The following PKIA variants were observed in gnomAD, a reference collection of about 807,000 sequenced individuals.
The protein encoded by PKIA is PKI-alpha.
Under a neutral mutation model 7.6 loss-of-function variants are expected in PKIA, and 4 were observed. The ratio of observed to expected loss-of-function variants is 0.52; its 90% CI spans 0.26 to 1.20. The LOEUF is 1.20. Among genes scored for constraint, PKIA ranks in the 50% most tolerant of loss-of-function variants. The pLI is 0.13. For missense variants in PKIA, 73 were observed against 86.2 expected (o/e 0.85, Z 0.61); for synonymous variants, 21 against 30.7 (o/e 0.68, Z 1.04).
At chr8:78,537,177 GTT>G (rs551095426) in intron 1 of PKIA, among the ~76,000 whole-genome samples, 1 of 140,010 alleles carries the variant, frequency 7.1e-6, no homozygotes, top group African/African-American at 2.6e-5. Flanking sequence ...GTTTAGTTTA[GTT>G]TTTTTTTTTT....
chr8:78,600,473 G>T (rs1490404328), intron 3 of PKIA, among the ~76,000 whole-genome samples: 2 of 152,118 alleles, frequency 1.3e-5, no homozygotes, highest in East Asian at 3.9e-4. Flanking sequence ...CCCCATGGGA[G>T]TCAAGTTCCT....
At chr8:78,531,350 A>C (rs1411344619) in intron 1 of PKIA, among the ~76,000 whole-genome samples, 1 of 152,176 alleles carries the variant, frequency 6.6e-6, no homozygotes, top group Non-Finnish European at 1.5e-5. Context: ...CAGTTTAAAA[A>C]GCAAAATGAG....
intron 1 of PKIA, among the ~76,000 whole-genome samples, chr8:78,516,887 T>A (rs920849936): frequency 2.0e-5 from 3 of 152,164 alleles, no homozygotes; most frequent in Non-Finnish European, 4.4e-5. Flanking sequence ...TAGTCCTTGG[T>A]CCTCTCCCTT....
At chr8:78,567,609 T>G (rs887429853) in intron 1 of PKIA, among the ~76,000 whole-genome samples, 20 of 152,236 alleles carry the variant, frequency 1.3e-4, no homozygotes, top group Admixed American at 1.0e-3. Flanking sequence ...CTTCACTCTT[T>G]CTTTCTCTTT....
chr8:78,535,632 T>C (rs560750282), intron 1 of PKIA: 1 of 152,228 alleles, frequency 6.6e-6, no homozygotes, highest in East Asian at 1.9e-4. Flanking sequence ...CAGTCTGCTG[T>C]GACTATAATC....
intron 1 of PKIA, among the ~76,000 whole-genome samples, chr8:78,525,976 G>A (rs984770770): frequency 6.6e-6 from 1 of 151,994 alleles, no homozygotes; most frequent in African/African-American, 2.4e-5. Context: ...ACCGAGTTGT[G>A]GTGAAGATGA....
At chr8:78,541,808 T>TTC (rs1491518932) in intron 1 of PKIA, among the ~76,000 whole-genome samples, 3 of 101,998 alleles carry the variant, frequency 2.9e-5, no homozygotes, top group African/African-American at 1.4e-4. Flanking sequence ...TGGATTTCTC[T>TTC]TTTTTTTTTT....
At chr8:78,590,245 G>A (rs543722685) in intron 2 of PKIA, among the ~76,000 whole-genome samples, 1 of 150,206 alleles carries the variant, frequency 6.7e-6, no homozygotes, top group Non-Finnish European at 1.5e-5. Flanking sequence ...ACATAACCCA[G>A]TGTACCAATA....
chr8:78,543,018 A>G (rs1806734914), intron 1 of PKIA, among the ~76,000 whole-genome samples: 1 of 152,180 alleles, frequency 6.6e-6, no homozygotes, highest in Admixed American at 6.6e-5. Context: ...CCATAGAATT[A>G]AAGCAAGGTG....
intron 1 of PKIA, among the ~76,000 whole-genome samples, chr8:78,519,030 T>C (rs1031719071): frequency 1.3e-5 from 2 of 152,102 alleles, no homozygotes; most frequent in African/African-American, 4.8e-5. Context: ...GAGGAAAAAC[T>C]AATTGGCTGG....
intron 1 of PKIA, among the ~76,000 whole-genome samples, chr8:78,519,113 T>G (rs191477480): frequency 1.4e-3 from 208 of 151,790 alleles, no homozygotes; most frequent in African/African-American, 4.4e-3. Context: ...AGATACTAAA[T>G]GAACTGCAGG....
intron 1 of PKIA, among the ~76,000 whole-genome samples, chr8:78,536,906 ACACT>A (rs1806540469): frequency 2.1e-5 from 3 of 140,862 alleles, no homozygotes; most frequent in Non-Finnish European, 4.6e-5. Flanking sequence ...ACACACACAC[ACACT>A]ACATTTTAAT....
At chr8:78,540,380 G>T (rs565982299) in intron 1 of PKIA, among the ~76,000 whole-genome samples, 1 of 151,938 alleles carries the variant, frequency 6.6e-6, no homozygotes, top group Non-Finnish European at 1.5e-5. Context: ...TATTTTGGAT[G>T]GTAGTATTTA....
intron 1 of PKIA, among the ~76,000 whole-genome samples, chr8:78,518,258 A>G (rs1269334035): frequency 2.0e-5 from 3 of 152,316 alleles, no homozygotes; most frequent in Non-Finnish European, 2.9e-5. Flanking sequence ...TGGGGTCTTA[A>G]TAACCTTATG....
intron 1 of PKIA, among the ~76,000 whole-genome samples, chr8:78,540,705 G>C (rs1043628284): frequency 1.7e-4 from 25 of 150,798 alleles, no homozygotes; most frequent in Non-Finnish European, 3.0e-4. Flanking sequence ...TCCTTTTTTC[G>C]CAAATTTTTT....
intron 1 of PKIA, among the ~76,000 whole-genome samples, chr8:78,523,317 C>T (rs1383274010): frequency 6.6e-6 from 1 of 151,852 alleles, no homozygotes; most frequent in African/African-American, 2.4e-5. Flanking sequence ...AACATTTCTC[C>T]TATGGTTTAC....
intron 2 of PKIA, among the ~76,000 whole-genome samples, chr8:78,593,553 T>C (rs922712839): frequency 3.3e-5 from 5 of 152,256 alleles, no homozygotes; most frequent in African/African-American, 9.6e-5. Context: ...GATGTGCATG[T>C]TCAGTTCTAA....
At chr8:78,577,835 G>T (rs1807712235) in intron 2 of PKIA, among the ~76,000 whole-genome samples, 1 of 151,858 alleles carries the variant, frequency 6.6e-6, no homozygotes, top group South Asian at 2.1e-4. Flanking sequence ...TCCCATGATG[G>T]CTGTCTTTGT....
chr8:78,585,903 G>A (rs1465859090), intron 2 of PKIA, among the ~76,000 whole-genome samples: 2 of 152,174 alleles, frequency 1.3e-5, no homozygotes, highest in East Asian at 1.9e-4. Flanking sequence ...GGCATTCTTA[G>A]ACTTTCCACG....
Sources: gnomAD v4.1 joint callset for allele counts (sites outside exome capture counted in the v4.1 genomes callset) on GRCh38, gnomAD v4.1.1 for gene constraint, MANE v1.5 for transcripts, NCBI Gene and HGNC (gene_info 2026-07-23, HGNC 2026-07-21) for gene names.